Variants in CTNNA3 observed in about 807,000 individuals in gnomAD.
CTNNA3 encodes catenin alpha-3.
A neutral mutation model predicts 95.7 loss-of-function variants in CTNNA3; 76 were observed. The ratio of observed to expected loss-of-function variants is 0.79; its 90% confidence interval spans 0.66 to 0.96. CTNNA3 has a LOEUF of 0.96. CTNNA3 is among the 40% of genes least tolerant of loss of function. The pLI is 0.00. For synonymous variants in CTNNA3, 431 were observed against 374.4 expected, an observed-to-expected ratio of 1.15 and a Z score of -1.74; for missense variants, 1,191 against 1,089.8, an observed-to-expected ratio of 1.09 and a Z score of -1.31.
chr10:66,427,645 T>G (rs555815466), intron 11 of CTNNA3, among the ~76,000 whole-genome samples: 20 of 152,148 alleles, frequency 1.3e-4, no homozygotes, highest in African/African-American at 4.6e-4. Flanking sequence ...ATAAGCCATT[T>G]CAGCATATGA....
At chr10:67,091,358 A>C (rs1158153058) in intron 7 of CTNNA3, among the ~76,000 whole-genome samples, 4 of 151,916 alleles carry the variant, frequency 2.6e-5, no homozygotes, top group African/African-American at 7.2e-5. Flanking sequence ...ACATGCATAA[A>C]TATATACATG....
At chr10:66,107,668 G>A (rs953214959) in intron 13 of CTNNA3, among the ~76,000 whole-genome samples, 4 of 151,910 alleles carry the variant, frequency 2.6e-5, no homozygotes, top group African/African-American at 4.8e-5. Flanking sequence ...CCTTTCTATA[G>A]ACATTATCTC....
chr10:66,021,321 C>G (rs1000648773), intron 15 of CTNNA3, among the ~76,000 whole-genome samples: 22 of 152,138 alleles, frequency 1.4e-4, no homozygotes, highest in Non-Finnish European at 2.4e-4. Context: ...ATCAGTGATA[C>G]TGAAGAGCAA....
In CTNNA3 at chr10:66,728,132, C is replaced by T. The variant is rs185248849; in HGVS notation, c.1281+38132G>A. ...TATCCATAAAATCTAGTTTTTCCTTCATTACTAGTAACAGATGTGTAGCTT... is the reference window on the plus strand; with the variant it reads ...TATCCATAAAATCTAGTTTTTCCTTTATTACTAGTAACAGATGTGTAGCTT... On this transcript the variant is annotated intron_variant, in intron 9 of 17. Coordinates refer to ENST00000433211, the MANE Select transcript of CTNNA3 (RefSeq NM_013266.4). 3.3e-3 allele frequency among the ~76,000 whole-genome samples: 499 copies of T among 152,268 alleles called. 3 individuals are homozygous for T. Among genetic ancestry groups the T allele is most frequent in the African/African-American group, 0.011 (466 of 41,546 alleles).
intron 13 of CTNNA3, among the ~76,000 whole-genome samples, chr10:66,121,597 C>G (rs1161997221): frequency 6.6e-6 from 1 of 152,118 alleles, no homozygotes; most frequent in Non-Finnish European, 1.5e-5. Flanking sequence ...TGCCTGTAAT[C>G]TCAGCACTTT....
intron 17 of CTNNA3, among the ~76,000 whole-genome samples, chr10:65,945,297 C>G (rs564368525): frequency 6.6e-6 from 1 of 152,210 alleles, no homozygotes; most frequent in Non-Finnish European, 1.5e-5. Flanking sequence ...TGCCTTTAAG[C>G]AGTCTGGCGA....
At chr10:66,814,427 T>A (rs1016217276) in intron 7 of CTNNA3, among the ~76,000 whole-genome samples, 1 of 152,172 alleles carries the variant, frequency 6.6e-6, no homozygotes, top group Middle Eastern at 3.2e-3. Flanking sequence ...ATAAATATCA[T>A]TCATTTAACA....
At chr10:67,341,035 T>G (rs1842164883) in intron 5 of CTNNA3, among the ~76,000 whole-genome samples, 1 of 152,126 alleles carries the variant, frequency 6.6e-6, no homozygotes, top group Admixed American at 6.5e-5. Flanking sequence ...ATATAGGTTT[T>G]TATTTATTTT....
intron 17 of CTNNA3, among the ~76,000 whole-genome samples, chr10:65,939,084 TG>T (rs1427712108): frequency 1.1e-4 from 17 of 151,920 alleles, no homozygotes; most frequent in Non-Finnish European, 2.4e-4. Flanking sequence ...TTTTGTATTT[TG>T]TAGTAGAGAC....
chr10:66,639,403 C>T (rs527389718), intron 9 of CTNNA3, among the ~76,000 whole-genome samples: 61 of 152,170 alleles, frequency 4.0e-4, no homozygotes, highest in Non-Finnish European at 7.8e-4. Context: ...AGAGGTTGCG[C>T]TATGAATATA....
Position 67,475,268 on chromosome 10 carries a change from G to T in CTNNA3, c.579+46574C>A, listed in dbSNP as rs115224236. Among the ~76,000 whole-genome samples, 552 of 152,286 alleles carry T rather than the reference G, an allele frequency of 3.6e-3. 8 individuals carry two copies. The highest frequency in any genetic ancestry group is 0.013 in the African/African-American group (529 of 41,566). On this transcript the variant is annotated intron_variant, in intron 5 of 17. Coordinates refer to ENST00000433211, the MANE Select transcript of CTNNA3 (RefSeq NM_013266.4). ...AGCAATCATTGCCAGATATCAGGAA[G>T]AGGAGTTAACCACAAGGGACAGAAG...
intron 4 of CTNNA3, among the ~76,000 whole-genome samples, chr10:67,523,685 T>A (rs569490505): frequency 3.3e-5 from 5 of 152,038 alleles, no homozygotes; most frequent in Non-Finnish European, 5.9e-5. Flanking sequence ...CTTTTAAGAG[T>A]CTGACGTGGA....
chr10:67,206,786 A>G lies in CTNNA3; in HGVS notation c.843+12821T>C, dbSNP rs1863919887. Among the ~76,000 whole-genome samples the G allele has an allele frequency of 2.0e-5, 3 of 152,146 alleles. No homozygotes were observed. In the South Asian group the frequency reaches 6.2e-4, roughly 32 times the overall value. On this transcript the variant is annotated intron_variant, in intron 6 of 17. Coordinates refer to ENST00000433211, the MANE Select transcript of CTNNA3 (RefSeq NM_013266.4). The stretch of plus-strand genomic sequence containing the variant: ...CTCTAGAATTCAGTCTCTACTGAAC[A>G]TATTGTCTGCGAAGTAATTAAAGGG...
At chr10:67,624,801 G>A (rs566443364) in intron 2 of CTNNA3, among the ~76,000 whole-genome samples, 15 of 152,292 alleles carry the variant, frequency 9.8e-5, no homozygotes, top group South Asian at 2.1e-4. Flanking sequence ...TCAAGCAGAC[G>A]AGAAAAATCA....
intron 11 of CTNNA3, among the ~76,000 whole-genome samples, chr10:66,473,465 G>A (rs1333753360): frequency 6.6e-6 from 1 of 151,940 alleles, no homozygotes; most frequent in African/African-American, 2.4e-5. Context: ...GTGAAACTGT[G>A]AGTCAATTAA....
chr10:67,750,598 G>A lies in CTNNA3; in HGVS notation c.-2+12836C>T, dbSNP rs374084242. The stretch of plus-strand genomic sequence containing the variant: ...TCAAGGATCTGAAGCTGAGTTATCT[G>A]GATGTCTATCTTATTCACTAGCACA... On this transcript the variant is annotated intron_variant, in intron 1 of 17. Coordinates refer to the CTNNA3 transcript ENST00000684154. The A allele has an allele frequency of 2.5e-5, 39 of 1,559,628 alleles. No individual in the cohort carries two copies. The African/African-American group carries it at 4.7e-4, about 19-fold the overall frequency.
At chr10:66,385,066 G>C (rs564113573) in intron 11 of CTNNA3, among the ~76,000 whole-genome samples, 124 of 152,224 alleles carry the variant, frequency 8.1e-4, no homozygotes, top group African/African-American at 2.8e-3. Context: ...TCAAAACCTA[G>C]CAGAAGGCAA....
intron 1 of CTNNA3, among the ~76,000 whole-genome samples, chr10:67,728,818 GTACT>G (rs1200588048): frequency 4.6e-5 from 7 of 151,976 alleles, no homozygotes; most frequent in African/African-American, 1.7e-4. Context: ...CTGCTATGTG[GTACT>G]TACTTACACA....
At chr10:66,663,694 A>G (rs1347936175) in intron 9 of CTNNA3, among the ~76,000 whole-genome samples, 2 of 152,162 alleles carry the variant, frequency 1.3e-5, no homozygotes, top group African/African-American at 4.8e-5. Flanking sequence ...AGAATCACTG[A>G]ATCAATCAGA....
Sources: allele counts gnomAD v4.1 joint callset (sites outside exome capture counted in the v4.1 genomes callset), GRCh38; gene constraint gnomAD v4.1.1; transcripts MANE v1.5; gene names NCBI Gene and HGNC (gene_info 2026-07-23, HGNC 2026-07-21).